Variants in FGD6 observed in about 807,000 individuals in gnomAD.
FGD6 encodes the protein FYVE, RhoGEF and PH domain containing 6.
A neutral mutation model predicts 149.4 loss-of-function variants in FGD6; 90 were observed. The ratio of observed to expected loss-of-function variants is 0.60; its 90% CI spans 0.51 to 0.72. The LOEUF (loss-of-function observed/expected upper bound fraction) is 0.72, where lower values mean the gene tolerates loss of function less well. FGD6 is among the 30% of genes least tolerant of loss of function. FGD6 has a pLI of 0.00. For missense variants in FGD6, 1,437 were observed against 1,684.8 expected (o/e 0.85, Z 2.57); for synonymous variants, 527 against 584.0 (o/e 0.90, Z 1.41).
chr12:95,212,999 T>C (rs2056735776), intron 1 of FGD6, among the ~76,000 whole-genome samples: 1 of 152,236 alleles, frequency 6.6e-6, no homozygotes, highest in Non-Finnish European at 1.5e-5. Context: ...ATTCCTATAC[T>C]ACATAATTTC....
Position 95,085,864 on chromosome 12 carries a change from G to C in FGD6, c.4023C>G (p.Tyr1341Ter), listed in dbSNP as rs1395010043. ...AGGGTTTTTTATTGCCCTTTGATCTGTACAAGTAGCCACTCATAGAAGAAT... is the reference window on the plus strand; with the variant it reads ...AGGGTTTTTTATTGCCCTTTGATCTCTACAAGTAGCCACTCATAGAAGAAT... The part of the protein sequence containing the change: ...TEDSSMSGYL[Y>*]RSKGNKKPWK... Residue 1341 changes from tyrosine (Y) to a stop codon, truncating the protein, a stop_gained, in exon 19 of 21, where the codon TAC becomes TAG. Coordinates refer to ENST00000343958, the MANE Select transcript of FGD6 (RefSeq NM_018351.4). LOFTEE classifies it high-confidence loss of function. 1 of 1,612,112 alleles carries C rather than the reference G, an allele frequency of 6.2e-7. No homozygotes were observed.
rs1877523551 is a variant in FGD6 at position 95,077,253 on chromosome 12, C to G, written c.*4267G>C. ...GTCCACTGCATGCAAGGTACCCTGC[C>G]AGAAATCTCAAATGAGTAAGTTGTC... On this transcript the variant is annotated 3_prime_UTR_variant, in exon 21 of 21. Coordinates refer to ENST00000343958, the MANE Select transcript of FGD6 (RefSeq NM_018351.4). The G allele has an allele frequency of 6.6e-6, 1 of 152,120 alleles. No individual in the cohort carries two copies. Among genetic ancestry groups the G allele is most frequent in the Non-Finnish European group, 1.5e-5 (1 of 68,044 alleles). The allele number at this position is 152,120 out of a possible 1,614,324, so 9.4% of individuals were successfully genotyped here. A position where few individuals can be genotyped will look rare whatever the true frequency, so the allele number is the denominator to read the frequency against.
At chr12:95,185,312 A>C (rs61937925) in intron 2 of FGD6, among the ~76,000 whole-genome samples, 14,120 of 152,288 alleles carry the variant, frequency 0.093, 875 homozygotes, top group African/African-American at 0.17. Flanking sequence ...ACATCTTCGA[A>C]AGCGAGAGTC....
At chr12:95,180,240 ATATT>A (rs1881243985) in intron 2 of FGD6, among the ~76,000 whole-genome samples, 1 of 152,148 alleles carries the variant, frequency 6.6e-6, no homozygotes, top group Non-Finnish European at 1.5e-5. Context: ...AAAAGTGTGT[ATATT>A]TGTGTGTGTG....
At chr12:95,148,542 ATATAT>A (rs1291492937) in intron 5 of FGD6, among the ~76,000 whole-genome samples, 40 of 126,892 alleles carry the variant, frequency 3.2e-4, no homozygotes, top group African/African-American at 1.0e-3. Flanking sequence ...AATATATAGC[ATATAT>A]TATATTATAT....
At position 95,106,996 on chromosome 12, in the gene FGD6, C is replaced by A. The variant is rs769957614; in HGVS notation, c.3375G>T (p.Gly1125=). 1.2e-6 allele frequency: 2 copies of A among 1,613,712 alleles called. No individual in the cohort carries two copies. Among genetic ancestry groups the A allele is most frequent in the South Asian group, 2.2e-5 (2 of 91,034 alleles). Residue 1125 remains glycine (G), a synonymous_variant, in exon 13 of 21, where the codon GGG becomes GGT. Transcript: ENST00000343958. ...ALLYTTPVQS[G]MYKLNNMLSL... ...AGAGCATGTTGTTCAGTTTATACAT[C>A]CCAGACTGCACTGGTGTTGTATACA...
chr12:95,172,653 C>T lies in FGD6; in HGVS notation c.2533G>A (p.Asp845Asn). 9 of 1,613,372 alleles carry T rather than the reference C, an allele frequency of 5.6e-6. No homozygotes were observed. Among genetic ancestry groups the T allele is most frequent in the Non-Finnish European group, 7.6e-6 (9 of 1,179,656 alleles). ...EEIINSSDED[D>N]VSSESSKGEP... The stretch of plus-strand genomic sequence containing the variant: ...CCTTTACTTGACTCAGAGCTGACAT[C>T]ATCTTCATCAGAACTGTTGATGATT... Residue 845 changes from aspartate to asparagine, a missense_variant, in exon 3 of 21, where the codon GAT becomes AAT. Transcript: ENST00000343958.
chr12:95,090,487 AG>A (rs1259738888), intron 17 of FGD6, among the ~76,000 whole-genome samples: 1 of 152,218 alleles, frequency 6.6e-6, no homozygotes, highest in Admixed American at 6.5e-5. Context: ...AGGCCTTATT[AG>A]GGCTGGGATG....
chr12:95,090,486 T>A (rs1468804797), intron 17 of FGD6, among the ~76,000 whole-genome samples: 1 of 152,156 alleles, frequency 6.6e-6, no homozygotes, highest in East Asian at 1.9e-4. Flanking sequence ...AAGGCCTTAT[T>A]AGGGCTGGGA....
chr12:95,156,537 G>C (rs969760119), intron 3 of FGD6, among the ~76,000 whole-genome samples: 4 of 152,076 alleles, frequency 2.6e-5, no homozygotes, highest in Non-Finnish European at 5.9e-5. Flanking sequence ...ATGTGTGCCC[G>C]AAACTTCATT....
chr12:95,178,894 T>G (rs1041159301), intron 2 of FGD6, among the ~76,000 whole-genome samples: 2 of 152,180 alleles, frequency 1.3e-5, no homozygotes, highest in African/African-American at 4.8e-5. Flanking sequence ...TGTTTTATTT[T>G]TTCATTCTTA....
At chr12:95,215,988 T>G (rs2056760924) in intron 1 of FGD6, among the ~76,000 whole-genome samples, 1 of 152,220 alleles carries the variant, frequency 6.6e-6, no homozygotes. Flanking sequence ...ATTTACCTTA[T>G]GTAAGTATAA....
chr12:95,162,842 T>G (rs915252843), intron 3 of FGD6, among the ~76,000 whole-genome samples: 1 of 152,154 alleles, frequency 6.6e-6, no homozygotes, highest in Admixed American at 6.6e-5. Context: ...CCTTTTATTA[T>G]TACAACTGAG....
chr12:95,141,272 A>G, intron 6 of FGD6, 116 bp downstream of exon 6: 1 of 1,090,822 alleles, frequency 9.2e-7, no homozygotes, highest in African/African-American at 1.6e-5. Context: ...AACTGCAAAG[A>G]CAATATATTC....
At chr12:95,198,713 G>T (rs1254027224) in intron 2 of FGD6, among the ~76,000 whole-genome samples, 1 of 152,222 alleles carries the variant, frequency 6.6e-6, no homozygotes, top group Non-Finnish European at 1.5e-5. Context: ...TGGGGTTACA[G>T]GCGTGAGCCA....
intron 8 of FGD6, among the ~76,000 whole-genome samples, chr12:95,126,704 C>G (rs562207292): frequency 1.5e-3 from 230 of 148,472 alleles, no homozygotes; most frequent in Non-Finnish European, 2.5e-3. Context: ...GCACTCCAGC[C>G]TGGGCGACAG....
At chr12:95,114,473 C>CAA (rs1878943764) in intron 8 of FGD6, among the ~76,000 whole-genome samples, 1 of 146,272 alleles carries the variant, frequency 6.8e-6, no homozygotes, top group Non-Finnish European at 1.5e-5. Flanking sequence ...CACACACACA[C>CAA]ACACACACAC....
chr12:95,080,512 A>G lies in FGD6; in HGVS notation c.*1008T>C, dbSNP rs570034128. 3.5e-4 allele frequency: 53 copies of G among 152,246 alleles called. No homozygotes were observed. The highest frequency in any genetic ancestry group is 3.5e-3 in the Admixed American group (53 of 15,282). 9.4% of individuals were successfully genotyped at this position (152,246 alleles called of 1,614,324 possible). Reference sequence around the variant, plus strand: ...GGGAGGATATCACAAACTGGCAGAAAAAGACCTTTTGAAAATGAATACTAT... The same window carrying G: ...GGGAGGATATCACAAACTGGCAGAAGAAGACCTTTTGAAAATGAATACTAT... On this transcript the variant is annotated 3_prime_UTR_variant, in exon 21 of 21. Transcript: ENST00000343958.
Position 95,102,443 on chromosome 12 carries a change from C to CAAAA in FGD6, c.3497+2560_3497+2563dup, listed in dbSNP as rs55926317. 7.1e-3 allele frequency among the ~76,000 whole-genome samples: 736 copies of CAAAA among 104,102 alleles called. 10 individuals are homozygous for CAAAA. Among genetic ancestry groups the CAAAA allele is most frequent in the African/African-American group, 0.024 (646 of 26,976 alleles). The allele number at this position is 104,102 out of a possible 152,430, so 68.3% of individuals were successfully genotyped here. ...TGGGTGACAGAGCGAGACCCTTTCT[C>CAAAA]AAAAAAAAAAAAAAAAAAAAAAAAC... On this transcript the variant is annotated intron_variant, in intron 14 of 20. Transcript: ENST00000343958.
Sources: gnomAD v4.1 joint callset for allele counts (sites outside exome capture counted in the v4.1 genomes callset) on GRCh38, gnomAD v4.1.1 for gene constraint, MANE v1.5 for transcripts, NCBI Gene and HGNC (gene_info 2026-07-23, HGNC 2026-07-21) for gene names.